Variants in HHAT observed in about 807,000 individuals in gnomAD.
HHAT encodes hedgehog acyltransferase.
In HHAT, 47 loss-of-function variants were observed where a neutral mutation model predicts 70.8. The observed-to-expected ratio is 0.66, with a 90% CI of 0.53 to 0.85. HHAT has a LOEUF of 0.85. HHAT is among the 40% of genes least tolerant of loss of function. HHAT has a pLI of 0.00. For synonymous variants in HHAT, 228 were observed against 247.6 expected (o/e 0.92, Z 0.74); for missense variants, 609 against 604.8 (o/e 1.01, Z -0.07).
chr1:210,570,394 C>A (rs924270776), intron 9 of HHAT, among the ~76,000 whole-genome samples: 4 of 152,146 alleles, frequency 2.6e-5, no homozygotes, highest in Admixed American at 2.0e-4. Context: ...TCAGCAGAGA[C>A]CCTGGTGCAA....
At chr1:210,329,376 G>T in intron 1 of HHAT, 2 of 1,168,378 alleles carry the variant, frequency 1.7e-6, no homozygotes, top group Non-Finnish European at 1.1e-6. Flanking sequence ...CTCTCTCCTT[G>T]GCTTCGTCCC....
chr1:210,487,847 C>T (rs2094495888), intron 8 of HHAT, among the ~76,000 whole-genome samples: 1 of 152,130 alleles, frequency 6.6e-6, no homozygotes, highest in Non-Finnish European at 1.5e-5. Context: ...CAAGAGACAG[C>T]TTTTATCACC....
chr1:210,394,471 A>T (rs181462105), intron 4 of HHAT, among the ~76,000 whole-genome samples: 18 of 152,192 alleles, frequency 1.2e-4, no homozygotes, highest in African/African-American at 4.3e-4. Flanking sequence ...GCCTCCTTTC[A>T]TGAACGCCAA....
At chr1:210,374,481 G>A (rs991507892) in intron 3 of HHAT, among the ~76,000 whole-genome samples, 3 of 152,174 alleles carry the variant, frequency 2.0e-5, no homozygotes, top group African/African-American at 7.2e-5. Flanking sequence ...ATGCAAATGA[G>A]ATGTTGAGTC....
chr1:210,463,760 C>T (rs776122206), intron 7 of HHAT, among the ~76,000 whole-genome samples: 3 of 152,240 alleles, frequency 2.0e-5, no homozygotes, highest in African/African-American at 2.4e-5. Context: ...CCTCGCTCTA[C>T]ACTCTCAGCA....
intron 3 of HHAT, among the ~76,000 whole-genome samples, chr1:210,372,538 G>A (rs764540065): frequency 3.9e-5 from 6 of 152,160 alleles, no homozygotes; most frequent in Non-Finnish European, 7.3e-5. Flanking sequence ...ATTAGGTAGG[G>A]AAGTACAAAA....
chr1:210,473,414 C>T (rs2094243339), intron 8 of HHAT, among the ~76,000 whole-genome samples: 1 of 152,054 alleles, frequency 6.6e-6, no homozygotes, highest in Admixed American at 6.6e-5. Context: ...TTTTGAATCC[C>T]CTTAGCCAAG....
intron 1 of HHAT, among the ~76,000 whole-genome samples, chr1:210,342,641 C>G (rs989620968): frequency 3.3e-5 from 5 of 152,170 alleles, no homozygotes; most frequent in African/African-American, 1.2e-4. Flanking sequence ...TGGTGCAGGA[C>G]TGACTGCATG....
intron 10 of HHAT, among the ~76,000 whole-genome samples, chr1:210,597,580 C>T (rs913633080): frequency 1.3e-5 from 2 of 152,122 alleles, no homozygotes; most frequent in Non-Finnish European, 2.9e-5. Context: ...CTCCTTTCCA[C>T]AAGCAGAGGA....
At chr1:210,583,990 T>A (rs1477904109) in intron 9 of HHAT, among the ~76,000 whole-genome samples, 1 of 134,736 alleles carries the variant, frequency 7.4e-6, no homozygotes, top group Non-Finnish European at 1.5e-5. Context: ...TCTCACTCTG[T>A]TGCCCAGGCT....
At chr1:210,523,555 A>C (rs2148612975) in intron 9 of HHAT, among the ~76,000 whole-genome samples, 1 of 151,660 alleles carries the variant, frequency 6.6e-6, no homozygotes, top group East Asian at 2.0e-4. Context: ...ACTCCCAGTG[A>C]CTCTGATGCT....
At chr1:210,437,419 G>A (rs1356878954) in intron 7 of HHAT, among the ~76,000 whole-genome samples, 7 of 151,814 alleles carry the variant, frequency 4.6e-5, no homozygotes, top group African/African-American at 7.3e-5. Context: ...AATAAGGGAC[G>A]ACTCTCTGGC....
chr1:210,657,350 C>G (rs540414360), intron 11 of HHAT, among the ~76,000 whole-genome samples: 11 of 152,332 alleles, frequency 7.2e-5, no homozygotes, highest in Non-Finnish European at 1.5e-4. Flanking sequence ...CAGCTTTCAA[C>G]CAGTCCCAAT....
At chr1:210,453,833 T>C (rs1332617259) in intron 7 of HHAT, among the ~76,000 whole-genome samples, 2 of 152,204 alleles carry the variant, frequency 1.3e-5, no homozygotes, top group South Asian at 2.1e-4. Flanking sequence ...AGCACTTCTT[T>C]TAGGCAAAGT....
chr1:210,530,201 C>G (rs1445874439), intron 9 of HHAT, among the ~76,000 whole-genome samples: 1 of 152,022 alleles, frequency 6.6e-6, no homozygotes, highest in Non-Finnish European at 1.5e-5. Flanking sequence ...GACTCAAAAC[C>G]TATGCAACTT....
At chr1:210,346,920 A>C (rs2086573622) in intron 1 of HHAT, among the ~76,000 whole-genome samples, 1 of 152,248 alleles carries the variant, frequency 6.6e-6, no homozygotes, top group Non-Finnish European at 1.5e-5. Context: ...TATTTAGACA[A>C]AAATTGTACA....
At chr1:210,499,391 C>T (rs186782070) in intron 8 of HHAT, among the ~76,000 whole-genome samples, 1 of 152,236 alleles carries the variant, frequency 6.6e-6, no homozygotes, top group Non-Finnish European at 1.5e-5. Context: ...AATCCCAACA[C>T]TTTGGGAGGC....
intron 11 of HHAT, among the ~76,000 whole-genome samples, chr1:210,628,188 G>C (rs1022233950): frequency 6.6e-6 from 1 of 152,076 alleles, no homozygotes; most frequent in South Asian, 2.1e-4. Flanking sequence ...AGTATTCAAG[G>C]GGGGGTGTTT....
chr1:210,644,903 G>A (rs750947220), intron 11 of HHAT, among the ~76,000 whole-genome samples: 2 of 152,168 alleles, frequency 1.3e-5, no homozygotes, highest in South Asian at 2.1e-4. Context: ...AGCCTTTGCC[G>A]CTGGTAAGGG....
Sources: gnomAD v4.1 joint callset for allele counts (sites outside exome capture counted in the v4.1 genomes callset) on GRCh38, gnomAD v4.1.1 for gene constraint, MANE v1.5 for transcripts, NCBI Gene and HGNC (gene_info 2026-07-23, HGNC 2026-07-21) for gene names.